Variants in SLC30A8 observed in about 807,000 individuals in gnomAD.
SLC30A8 encodes proton-coupled zinc antiporter SLC30A8.
Under a neutral mutation model 36.9 loss-of-function variants are expected in SLC30A8, and 27 were observed. The observed-to-expected ratio is 0.73, with a 90% confidence interval of 0.54 to 1.01. SLC30A8 has a LOEUF of 1.01. Among genes scored for constraint, SLC30A8 ranks in the 50% least tolerant of loss-of-function variants. The pLI, the probability that SLC30A8 is intolerant of heterozygous loss-of-function variation, is 0.00. For missense variants in SLC30A8, 439 were observed against 452.0 expected, an observed-to-expected ratio of 0.97 and a Z score of 0.26; for synonymous variants, 164 against 172.4, an observed-to-expected ratio of 0.95 and a Z score of 0.38.
chr8:116,964,169 T>C (rs1814522390), intron 1 of SLC30A8, among the ~76,000 whole-genome samples: 1 of 152,208 alleles, frequency 6.6e-6, no homozygotes, highest in Admixed American at 6.5e-5. Context: ...CTGAATTAGT[T>C]TGTCTTAATT....
In SLC30A8 at chr8:117,058,081, C is replaced by A. The variant is rs185011831; in HGVS notation, c.-226+18823C>A. ...CTCATGTCTTTTTGATACCAGCCAC[C>A]CTAACAGGTGCAAGAAGATATCTCA... On this transcript the variant is annotated intron_variant, in intron 2 of 10. Transcript: ENST00000427715. 8.5e-5 allele frequency among the ~76,000 whole-genome samples: 13 copies of A among 152,218 alleles called. No individual in the cohort carries two copies. In the East Asian group the frequency reaches 2.5e-3, roughly 29 times the overall value.
At chr8:117,047,569 G>T (rs1023483100) in intron 2 of SLC30A8, among the ~76,000 whole-genome samples, 4 of 152,090 alleles carry the variant, frequency 2.6e-5, no homozygotes, top group African/African-American at 9.7e-5. Context: ...ACCTTGGAAA[G>T]GACTACATAT....
intron 2 of SLC30A8, among the ~76,000 whole-genome samples, chr8:117,077,412 C>T (rs531938568): frequency 3.3e-5 from 5 of 152,298 alleles, no homozygotes; most frequent in African/African-American, 1.2e-4. Context: ...ATCAATAAAA[C>T]AAGGTACTTT....
chr8:117,018,639 C>T (rs1057144316), intron 1 of SLC30A8, among the ~76,000 whole-genome samples: 21 of 146,794 alleles, frequency 1.4e-4, no homozygotes, highest in African/African-American at 5.0e-4. Context: ...TTGAAAACTG[C>T]GGCCTGTGGG....
intron 1 of SLC30A8, among the ~76,000 whole-genome samples, chr8:116,978,369 G>A (rs1405030781): frequency 6.6e-6 from 1 of 152,126 alleles, no homozygotes; most frequent in Non-Finnish European, 1.5e-5. Context: ...GATACCATTT[G>A]CATCATTGAA....
chr8:117,105,163 A>G (rs1196194240), intron 2 of SLC30A8, among the ~76,000 whole-genome samples: 1 of 152,088 alleles, frequency 6.6e-6, no homozygotes, highest in Non-Finnish European at 1.5e-5. Flanking sequence ...CCTCCTGGGA[A>G]TGCAGCGCAG....
At chr8:117,029,938 T>G (rs1304372334) in intron 1 of SLC30A8, among the ~76,000 whole-genome samples, 1 of 152,190 alleles carries the variant, frequency 6.6e-6, no homozygotes, top group Non-Finnish European at 1.5e-5. Flanking sequence ...AGTACAGAAG[T>G]TCCTAATGGT....
At chr8:117,027,219 A>T (rs903455549) in intron 1 of SLC30A8, among the ~76,000 whole-genome samples, 4 of 152,254 alleles carry the variant, frequency 2.6e-5, no homozygotes, top group Non-Finnish European at 5.9e-5. Context: ...GAGAAAAAGG[A>T]GGGGCTCATC....
chr8:116,992,252 G>A (rs1815669952), intron 1 of SLC30A8, among the ~76,000 whole-genome samples: 1 of 152,156 alleles, frequency 6.6e-6, no homozygotes. Context: ...AGGCCAGAAT[G>A]TGAAAGTTAA....
intron 2 of SLC30A8, among the ~76,000 whole-genome samples, chr8:117,039,959 A>T (rs1400595514): frequency 6.6e-6 from 1 of 152,124 alleles, no homozygotes; most frequent in African/African-American, 2.4e-5. Context: ...CAAGGAGAGG[A>T]TACTTCCTTT....
At chr8:117,161,116 C>G (rs541696050) in intron 4 of SLC30A8, among the ~76,000 whole-genome samples, 7 of 152,112 alleles carry the variant, frequency 4.6e-5, no homozygotes, top group Non-Finnish European at 1.0e-4. Context: ...TATGTATGTA[C>G]ACATACAAGA....
At chr8:117,039,587 A>G (rs567452365) in intron 2 of SLC30A8, among the ~76,000 whole-genome samples, 1 of 152,252 alleles carries the variant, frequency 6.6e-6, no homozygotes, top group East Asian at 1.9e-4. Flanking sequence ...ATTGTCTTTC[A>G]CTAGTGCCTC....
At chr8:117,107,218 C>T (rs1454104040) in intron 2 of SLC30A8, among the ~76,000 whole-genome samples, 1 of 152,084 alleles carries the variant, frequency 6.6e-6, no homozygotes, top group Admixed American at 6.6e-5. Flanking sequence ...AAATATTTTG[C>T]ACTATACCAA....
In SLC30A8 at chr8:117,097,415, A is replaced by AT. The variant is rs1563593790; in HGVS notation, c.-225-37865_-225-37864insT. ...CCATCTCAAAAAAAAAAAAAAAAAA[A>AT]AAAATATATATAAATATATATAATT... is the stretch of plus-strand genomic sequence containing the variant. On this transcript the variant is annotated intron_variant, in intron 2 of 10. Coordinates refer to the SLC30A8 transcript ENST00000427715. Among the ~76,000 whole-genome samples the AT allele has an allele frequency of 6.2e-4, 71 of 113,608 alleles. 1 individual carries two copies. The highest frequency in any genetic ancestry group is 2.6e-3 in the African/African-American group (66 of 25,670). 74.5% of individuals were successfully genotyped at this position (113,608 alleles called of 152,430 possible).
intron 2 of SLC30A8, among the ~76,000 whole-genome samples, chr8:117,065,123 A>G (rs1818130225): frequency 6.6e-6 from 1 of 152,192 alleles, no homozygotes; most frequent in African/African-American, 2.4e-5. Context: ...TCTCCCAGAA[A>G]GTTATCTGGG....
chr8:117,024,548 C>T (rs979958913), intron 1 of SLC30A8, among the ~76,000 whole-genome samples: 1 of 152,190 alleles, frequency 6.6e-6, no homozygotes, highest in African/African-American at 2.4e-5. Flanking sequence ...ACTTGTATTA[C>T]CCCTCTGCTA....
intron 3 of SLC30A8, among the ~76,000 whole-genome samples, chr8:117,154,168 T>C (rs1046118113): frequency 3.3e-5 from 5 of 152,052 alleles, no homozygotes; most frequent in Admixed American, 2.6e-4. Flanking sequence ...GCCGTCATGG[T>C]TTGCTGCACC....
At chr8:117,130,447 C>T (rs1312047081), upstream of SLC30A8, 2 of 151,880 alleles carry the variant, frequency 1.3e-5, no homozygotes, top group African/African-American at 4.8e-5. Flanking sequence ...CCCCTAAAAC[C>T]TTTCACTGAA....
chr8:117,064,138 C>G (rs1818100727), intron 2 of SLC30A8, among the ~76,000 whole-genome samples: 1 of 151,984 alleles, frequency 6.6e-6, no homozygotes, highest in Non-Finnish European at 1.5e-5. Context: ...ATTACAGGTG[C>G]CTGCCATCAT....
Sources: gnomAD v4.1 joint callset for allele counts (sites outside exome capture counted in the v4.1 genomes callset) on GRCh38, gnomAD v4.1.1 for gene constraint, MANE v1.5 for transcripts, NCBI Gene and HGNC (gene_info 2026-07-23, HGNC 2026-07-21) for gene names.